The following CER1 variants were observed in gnomAD, a reference collection of about 807,000 sequenced individuals.
CER1 encodes the protein cerberus 1, DAN family BMP antagonist.
CER1 carries 10 observed loss-of-function variants against 11.8 expected under a neutral mutation model. The ratio of observed to expected loss-of-function variants is 0.85; its 90% CI spans 0.52 to 1.44. CER1 has a LOEUF of 1.44. CER1 is among the 40% of genes most tolerant of loss of function. CER1 has a pLI of 0.00. For synonymous variants in CER1, 141 were observed against 122.3 expected (o/e 1.15, Z -1.01); for missense variants, 431 against 327.0 (o/e 1.32, Z -2.45).
At chr9:14,722,122 T>C (rs948668916) in intron 1 of CER1, 44 bp downstream of exon 1, 2 of 1,577,534 alleles carry the variant, frequency 1.3e-6, no homozygotes, top group Non-Finnish European at 1.7e-6. Context: ...AGCTGTCCAC[T>C]ACCACCTGCA....
chr9:14,719,527 G>GTGCCTGCC (rs796774315), downstream of CER1, among the ~76,000 whole-genome samples: 3 of 120,998 alleles, frequency 2.5e-5, no homozygotes, highest in South Asian at 3.0e-4. Flanking sequence ...GCCTGCCTGC[G>GTGCCTGCC]TGCCTGCCTG....
downstream of CER1, among the ~76,000 whole-genome samples, chr9:14,719,557 G>GCCTTCCTT (rs1303155684): frequency 0.011 from 817 of 76,302 alleles, 6 homozygotes; most frequent in Middle Eastern, 0.051. Context: ...CTGCCTGCCT[G>GCCTTCCTT]CCTGCCTTCC....
chr9:14,721,449 G>A (rs2131791279), intron 1 of CER1, among the ~76,000 whole-genome samples: 1 of 152,290 alleles, frequency 6.6e-6, no homozygotes, highest in Admixed American at 6.5e-5. Flanking sequence ...GTACTTCTAA[G>A]GGGAGGAGAT....
At chr9:14,719,540 TGCCTGCCTGCCTGCCTGCCTG>T (rs1563779923), downstream of CER1, among the ~76,000 whole-genome samples, 26 of 62,740 alleles carry the variant, frequency 4.1e-4, no homozygotes, top group African/African-American at 2.3e-3. Flanking sequence ...CCTGCCTGCC[TGCCTGCCTGCCTGCCTGCCTG>T]CCTTCCTTCC....
chr9:14,718,860 A>G (rs539441820), downstream of CER1, among the ~76,000 whole-genome samples: 1 of 152,194 alleles, frequency 6.6e-6, no homozygotes, highest in Non-Finnish European at 1.5e-5. Flanking sequence ...GTCCAGTGTC[A>G]TAAGTCTATG....
intron 1 of CER1, among the ~76,000 whole-genome samples, chr9:14,721,563 T>A (rs1463637107): frequency 6.6e-6 from 1 of 152,140 alleles, no homozygotes; most frequent in Non-Finnish European, 1.5e-5. Context: ...TATGACAACT[T>A]TTGCCTGAGA....
chr9:14,722,630 C>A lies in CER1; in HGVS notation c.43G>T (p.Gly15Ter). 5 of 1,605,490 alleles carry A rather than the reference C, an allele frequency of 3.1e-6. No homozygotes were observed. Among genetic ancestry groups the A allele is most frequent in the Non-Finnish European group, 4.2e-6 (5 of 1,179,892 alleles). ...LFQLLVLLPL[G>*]KTTRHQDGRQ... ...CCATCCTGGTGCCGTGTGGTCTTTC[C>A]TAGAGGCAGGAGTACCAGCAGCTGA... Residue 15 changes from glycine to a stop codon, truncating the protein, a stop_gained, in exon 1 of 2, where the codon GGA becomes TGA. Transcript: ENST00000380911. LOFTEE classifies it high-confidence loss of function.
At position 14,722,491 on chromosome 9, in the gene CER1, GGCACT is replaced by G; in HGVS notation, c.177_181del (p.Val60ThrfsTer30). The stretch of plus-strand genomic sequence containing the variant: ...TGCAGGGCTGGTGGCTACAAGGTGT[GGCACT>G]GCGACAAACAGATCTGGCTTCTCCT... On this transcript the variant is annotated frameshift_variant, in exon 1 of 2. Transcript: ENST00000380911. LOFTEE classifies it high-confidence loss of function. 6.2e-7 allele frequency: 1 copy of G among 1,614,176 alleles called. No homozygotes were observed. The highest frequency in any genetic ancestry group is 8.5e-7 in the Non-Finnish European group (1 of 1,180,032).
Position 14,722,596 on chromosome 9 carries a change from T to A in CER1, c.77A>T (p.Asn26Ile), listed in dbSNP as rs952074461. Reference sequence around the variant, plus strand: ...GAGTACGGGGGAAAGAGAACTCTGATTCTGGCGGCCATCCTGGTGCCGTGT... The same window carrying A: ...GAGTACGGGGGAAAGAGAACTCTGAATCTGGCGGCCATCCTGGTGCCGTGT... ...KTTRHQDGRQ[N>I]QSSLSPVLLP... Residue 26 changes from asparagine to isoleucine, a missense_variant, in exon 1 of 2, where the codon AAT becomes ATT. By Grantham distance (149) the Asn-to-Ile change is moderately radical (BLOSUM62 -3). Transcript: ENST00000380911. 2.1e-5 allele frequency: 34 copies of A among 1,611,570 alleles called. No individual in the cohort carries two copies. The highest frequency in any genetic ancestry group is 2.0e-5 in the Non-Finnish European group (24 of 1,179,982).
At position 14,722,436 on chromosome 9, in the gene CER1, C is replaced by T; in HGVS notation, c.237G>A (p.Met79Ile). 2 of 1,614,222 alleles carry T rather than the reference C, an allele frequency of 1.2e-6. No homozygotes were observed. Among genetic ancestry groups the T allele is most frequent in the Non-Finnish European group, 1.7e-6 (2 of 1,180,036 alleles). Residue 79 changes from methionine (M) to isoleucine (I), a missense_variant, in exon 1 of 2, where the codon ATG (methionine) becomes ATA (isoleucine). Physicochemically the swap from Met to Ile is conservative, Grantham distance 10. Transcript: ENST00000380911. Reference protein sequence around the residue: ...AGEGQRQREKMLSRFGRFWKK... With the variant: ...AGEGQRQREKILSRFGRFWKK... ...TCCAGAACCTGCCAAATCTGGACAG[C>T]ATCTTCTCTCTCTGCCTCTGGCCTT... is the stretch of plus-strand genomic sequence containing the variant.
chr9:14,717,393 C>T (rs879671379), downstream of CER1, among the ~76,000 whole-genome samples: 10 of 151,952 alleles, frequency 6.6e-5, no homozygotes, highest in African/African-American at 9.7e-5. Context: ...TGCGCTTTTC[C>T]GTGTGTTTTC....
chr9:14,720,188 C>G lies in CER1; in HGVS notation c.706G>C (p.Val236Leu). Reference sequence around the variant, plus strand: ...TTCACCTTGCACTGGCACTCCTCCACCAGCATCACCACCTTGATCACGGAG... The same window carrying G: ...TTCACCTTGCACTGGCACTCCTCCAGCAGCATCACCACCTTGATCACGGAG... ...LSSVIKVVML[V>L]EECQCKVKTE... is the part of the protein sequence containing the mutation. The change falls in exon 2 of 2, where the codon GTG (valine) becomes CTG (leucine). Residue 236 changes from valine to leucine, a missense_variant. Physicochemically the swap from Val to Leu is conservative, Grantham distance 32. Transcript: ENST00000380911. The G allele has an allele frequency of 6.2e-7, 1 of 1,614,180 alleles. No homozygotes were observed. The highest frequency in any genetic ancestry group is 8.5e-7 in the Non-Finnish European group (1 of 1,180,028).
intron 1 of CER1, among the ~76,000 whole-genome samples, chr9:14,720,999 T>C (rs1468504630): frequency 6.6e-6 from 1 of 152,190 alleles, no homozygotes; most frequent in Non-Finnish European, 1.5e-5. Context: ...GAGTCAAACA[T>C]CTTAGTTTTA....
downstream of CER1, among the ~76,000 whole-genome samples, chr9:14,717,433 A>C (rs73644838): frequency 5.7e-3 from 862 of 152,308 alleles, 11 homozygotes; most frequent in African/African-American, 0.02. Context: ...AAAAAATAGA[A>C]GGTCTGAACG....
downstream of CER1, among the ~76,000 whole-genome samples, chr9:14,717,809 A>G (rs1345881838): frequency 1.3e-5 from 2 of 152,360 alleles, no homozygotes; most frequent in East Asian, 3.9e-4. Flanking sequence ...AATCCAAAAT[A>G]GAAAATATTC....
At position 14,720,337 on chromosome 9, in the gene CER1, C is replaced by T. The variant is rs1217424534; in HGVS notation, c.557G>A (p.Cys186Tyr). The T allele has an allele frequency of 6.2e-7, 1 of 1,613,874 alleles. No homozygotes were observed. Among genetic ancestry groups the T allele is most frequent in the Non-Finnish European group, 8.5e-7 (1 of 1,180,008 alleles). Residue 186 changes from cysteine (C) to tyrosine (Y), a missense_variant, in exon 2 of 2, where the codon TGC (cysteine) becomes TAC (tyrosine). Physicochemically the swap from Cys to Tyr is radical, Grantham distance 194. Transcript: ENST00000380911. ...CEKVVVQNNL[C>Y]FGKCGSVHFP... ...ATGAACAGACCCGCATTTCCCAAAG[C>T]AAAGGTTGTTCTGAACAACTACTTT... is the stretch of plus-strand genomic sequence containing the variant.
downstream of CER1, among the ~76,000 whole-genome samples, chr9:14,719,042 G>T (rs996987375): frequency 1.3e-5 from 2 of 152,116 alleles, no homozygotes; most frequent in Non-Finnish European, 2.9e-5. Flanking sequence ...TTTGGTACTT[G>T]CTGAATAAAA....
chr9:14,720,862 T>C (rs1240066686), intron 1 of CER1, among the ~76,000 whole-genome samples: 1 of 152,302 alleles, frequency 6.6e-6, no homozygotes, highest in Non-Finnish European at 1.5e-5. Context: ...CTGTAGTACA[T>C]TCAAGTCTAT....
chr9:14,722,538 G>T lies in CER1; in HGVS notation c.135C>A (p.Gly45=). 1.2e-6 allele frequency: 2 copies of T among 1,614,180 alleles called. No individual in the cohort carries two copies. Among genetic ancestry groups the T allele is most frequent in the Non-Finnish European group, 1.7e-6 (2 of 1,180,052 alleles). The change falls in exon 1 of 2, where the codon GGC becomes GGA. Residue 45 remains glycine, a synonymous_variant. Transcript: ENST00000380911. ...GCTTCTCCTCAGCTTCCTCATGGTT[G>T]CCTGTGGGAAGCTCTCTTTGATTCC... ...LPRNQRELPT[G]NHEEAEEKPD... is the part of the protein sequence containing the mutation.
Sources: gnomAD v4.1 joint callset for allele counts (sites outside exome capture counted in the v4.1 genomes callset) on GRCh38, gnomAD v4.1.1 for gene constraint, MANE v1.5 for transcripts, NCBI Gene and HGNC (gene_info 2026-07-23, HGNC 2026-07-21) for gene names.